Variants in SYK observed in about 807,000 individuals in gnomAD.
The protein encoded by SYK is spleen associated tyrosine kinase.
Under a neutral mutation model 77.8 loss-of-function variants are expected in SYK, and 16 were observed. The observed-to-expected ratio is 0.21, with a 90% CI of 0.14 to 0.31. The LOEUF is 0.31. SYK is among the 10% of genes least tolerant of loss of function. The pLI is 1.00. For missense variants in SYK, 529 were observed against 814.4 expected, an observed-to-expected ratio of 0.65 and a Z score of 4.26; for synonymous variants, 312 against 308.7, an observed-to-expected ratio of 1.01 and a Z score of -0.11.
In SYK at chr9:90,883,285, C is replaced by T. The variant is rs562463158; in HGVS notation, c.1581+4332C>T. ...CTACACTGCTCCCCCTGAGAATGTC[C>T]GCAGCCTCCCCAGGAGCAGGCCCAT... On this transcript the variant is annotated intron_variant, in intron 11 of 13. Transcript: ENST00000375754. Among the ~76,000 whole-genome samples the T allele has an allele frequency of 7.2e-5, 11 of 152,192 alleles. No homozygotes were observed. The East Asian group carries it at 1.5e-3, about 21-fold the overall frequency.
At position 90,890,778 on chromosome 9, in the gene SYK, G is replaced by A. The variant is rs113945685; in HGVS notation, c.1835+2151G>A. Among the ~76,000 whole-genome samples the A allele has an allele frequency of 1.2e-3, 180 of 152,356 alleles. 1 individual carries two copies. Among genetic ancestry groups the A allele is most frequent in the African/African-American group, 4.0e-3 (166 of 41,594 alleles). Reference sequence around the variant, plus strand: ...CCTCAAACAGGGTTGGGGGAGGTGGGGAGATGTTCTGAAACTTTTGAAGCA... The same window carrying A: ...CCTCAAACAGGGTTGGGGGAGGTGGAGAGATGTTCTGAAACTTTTGAAGCA... On this transcript the variant is annotated intron_variant, in intron 13 of 13. Coordinates refer to ENST00000375754, the MANE Select transcript of SYK (RefSeq NM_003177.7).
At chr9:90,864,090 G>A (rs557268852) in intron 4 of SYK, among the ~76,000 whole-genome samples, 2 of 152,232 alleles carry the variant, frequency 1.3e-5, no homozygotes, top group South Asian at 2.1e-4. Context: ...TCTTGACAGC[G>A]TTCTAAGGTA....
chr9:90,887,797 A>G lies in SYK; in HGVS notation c.1630A>G (p.Ile544Val). 1 of 1,613,800 alleles carries G rather than the reference A, an allele frequency of 6.2e-7. No homozygotes were observed. The highest frequency in any genetic ancestry group is 8.5e-7 in the Non-Finnish European group (1 of 1,179,854). ...WPVKWYAPEC[I>V]NYYKFSSKSD... is the part of the protein sequence containing the mutation. ...TGTCAAGTGGTACGCTCCGGAATGC[A>G]TCAACTACTACAAGTTCTCCAGCAA... The change falls in exon 12 of 14, where the codon ATC (isoleucine) becomes GTC (valine). Residue 544 changes from isoleucine (I) to valine (V), a missense_variant. By Grantham distance (29) the Ile-to-Val change is conservative. Around this residue, in one of 2 missense-constraint regions of SYK, gnomAD observed 208 missense variants for 381.3 expected, o/e 0.55. Transcript: ENST00000375754.
intron 7 of SYK, among the ~76,000 whole-genome samples, chr9:90,873,464 G>C (rs948098028): frequency 1.3e-5 from 2 of 152,230 alleles, no homozygotes; most frequent in African/African-American, 4.8e-5. Flanking sequence ...ACTTTCAAAA[G>C]GGAAAGTCCT....
intron 1 of SYK, among the ~76,000 whole-genome samples, chr9:90,818,406 G>C (rs572804223): frequency 6.6e-6 from 1 of 152,334 alleles, no homozygotes; most frequent in Non-Finnish European, 1.5e-5. Flanking sequence ...GGTCAACCAG[G>C]CCATTTTGTT....
intron 3 of SYK, among the ~76,000 whole-genome samples, chr9:90,860,626 G>T (rs971278176): frequency 6.6e-6 from 1 of 152,154 alleles, no homozygotes; most frequent in Non-Finnish European, 1.5e-5. Context: ...CTAGATATGT[G>T]TCCTGTACCC....
At chr9:90,810,920 G>T (rs2118298176) in intron 1 of SYK, among the ~76,000 whole-genome samples, 1 of 152,238 alleles carries the variant, frequency 6.6e-6, no homozygotes, top group South Asian at 2.1e-4. Flanking sequence ...GGCGGGGGAG[G>T]TGCAGGGCCA....
At chr9:90,835,467 G>A (rs1480979611) in intron 1 of SYK, among the ~76,000 whole-genome samples, 1 of 152,212 alleles carries the variant, frequency 6.6e-6, no homozygotes, top group Non-Finnish European at 1.5e-5. Context: ...TTGAAATAAT[G>A]TCAAGGCAGG....
chr9:90,826,815 TCA>T (rs1825681201), intron 1 of SYK, among the ~76,000 whole-genome samples: 1 of 152,186 alleles, frequency 6.6e-6, no homozygotes, highest in Non-Finnish European at 1.5e-5. Context: ...AGGGAGCTGG[TCA>T]GAGGTGCTCT....
intron 11 of SYK, among the ~76,000 whole-genome samples, chr9:90,884,956 CAT>C (rs1828502988): frequency 1.5e-5 from 1 of 66,694 alleles, no homozygotes; most frequent in Non-Finnish European, 3.0e-5. Context: ...TATATACACA[CAT>C]ATATGTGTAT....
chr9:90,809,068 A>G (rs181543292), intron 1 of SYK, among the ~76,000 whole-genome samples: 1 of 152,300 alleles, frequency 6.6e-6, no homozygotes, highest in East Asian at 1.9e-4. Flanking sequence ...AACAACACCA[A>G]TCAGCTGATG....
chr9:90,849,140 G>T (rs555554061), intron 3 of SYK, among the ~76,000 whole-genome samples: 1 of 152,252 alleles, frequency 6.6e-6, no homozygotes, highest in African/African-American at 2.4e-5. Context: ...TCTTTAGGAA[G>T]CAAAGGGCCA....
At chr9:90,835,435 T>C (rs1301044635) in intron 1 of SYK, among the ~76,000 whole-genome samples, 1 of 152,280 alleles carries the variant, frequency 6.6e-6, no homozygotes, top group East Asian at 1.9e-4. Context: ...TGAAATTGTT[T>C]GGACAAAATG....
chr9:90,849,919 A>G lies in SYK; in HGVS notation c.578+4325A>G, dbSNP rs1348608811. On this transcript the variant is annotated intron_variant, in intron 3 of 13. Coordinates refer to ENST00000375754, the MANE Select transcript of SYK (RefSeq NM_003177.7). ...GCTTGGCACCGAACGAAGCAGCTTC[A>G]CCCCACTCCTGCAGTGGCCTGGACC... Among the ~76,000 whole-genome samples, 7 of 152,358 alleles carry G rather than the reference A, an allele frequency of 4.6e-5. No individual in the cohort carries two copies. The South Asian group carries it at 1.4e-3, about 32-fold the overall frequency.
rs747865256 is a variant in SYK at position 90,877,622 on chromosome 9, C to T, written c.1233C>T (p.Pro411=). ...VKILKNEAND[P]ALKDELLAEA... ...TACTGAAAAACGAGGCCAATGACCC[C>T]GCTCTTAAAGATGAGTTATTAGCAG... The change falls in exon 10 of 14, where the codon CCC becomes CCT. Residue 411 remains proline, a synonymous_variant. Coordinates refer to ENST00000375754, the MANE Select transcript of SYK (RefSeq NM_003177.7). The T allele has an allele frequency of 3.4e-5, 55 of 1,614,096 alleles. No individual in the cohort carries two copies. Among genetic ancestry groups the T allele is most frequent in the Middle Eastern group, 1.6e-4 (1 of 6,084 alleles).
At chr9:90,823,232 A>G (rs1272577013) in intron 1 of SYK, among the ~76,000 whole-genome samples, 1 of 152,240 alleles carries the variant, frequency 6.6e-6, no homozygotes, top group Non-Finnish European at 1.5e-5. Context: ...GTGTATGTGC[A>G]TAACAACAGA....
intron 6 of SYK, among the ~76,000 whole-genome samples, chr9:90,866,902 A>G (rs1243252453): frequency 6.6e-6 from 1 of 152,186 alleles, no homozygotes; most frequent in Non-Finnish European, 1.5e-5. Context: ...TGTAGCCTTC[A>G]GTGGAACATA....
At chr9:90,869,437 G>A (rs918861388) in intron 7 of SYK, among the ~76,000 whole-genome samples, 2 of 152,068 alleles carry the variant, frequency 1.3e-5, no homozygotes, top group African/African-American at 4.8e-5. Flanking sequence ...AAGGTTGTAA[G>A]GTTTAAGCTA....
chr9:90,812,414 G>C (rs530876513), intron 1 of SYK, among the ~76,000 whole-genome samples: 2 of 152,234 alleles, frequency 1.3e-5, no homozygotes, highest in East Asian at 3.9e-4. Context: ...GTACAGCCAT[G>C]GTCTCAAACA....
Sources: allele counts gnomAD v4.1 joint callset (sites outside exome capture counted in the v4.1 genomes callset), GRCh38; gene constraint gnomAD v4.1.1; regional missense constraint gnomAD v4.1.1; transcripts MANE v1.5; gene names NCBI Gene and HGNC (gene_info 2026-07-23, HGNC 2026-07-21).